C17orf67: variants seen among roughly 807,000 people sequenced by gnomAD.
C17orf67 encodes uncharacterized protein C17orf67.
C17orf67 carries 12 observed loss-of-function variants against 11.2 expected under a neutral mutation model. The observed-to-expected ratio is 1.07, with a 90% confidence interval of 0.68 to 1.73. C17orf67 has a LOEUF of 1.73. Ranked by LOEUF, C17orf67 falls within the 40% of genes most tolerant of loss-of-function variation. C17orf67 has a pLI of 0.00. For synonymous variants in C17orf67, 59 were observed against 46.9 expected (o/e 1.26, Z -1.05); for missense variants, 115 against 113.5 (o/e 1.01, Z -0.06).
rs531026186 is a variant in C17orf67, at chr17:56,809,434, G to C, written c.156+5435C>G. Among the ~76,000 whole-genome samples, 3 of 151,968 alleles carry C rather than the reference G, an allele frequency of 2.0e-5. No homozygotes were observed. The South Asian group carries it at 6.2e-4, about 32-fold the overall frequency. On this transcript the variant is annotated intron_variant, in intron 6 of 7. Coordinates refer to ENST00000397861, the MANE Select transcript of C17orf67 (RefSeq NM_001085430.4). Reference sequence around the variant, plus strand: ...CAAGTCAAGGCGAAAGTAGAAGAGGGGGCTGGAACTCAGACCTTCTGAAAA... The same window carrying C: ...CAAGTCAAGGCGAAAGTAGAAGAGGCGGCTGGAACTCAGACCTTCTGAAAA...
At chr17:56,827,174 T>C (rs80006956) in intron 2 of C17orf67, among the ~76,000 whole-genome samples, 6,553 of 152,366 alleles carry the variant, frequency 0.043, 187 homozygotes, top group Non-Finnish European at 0.058. Context: ...TCTCACCAGA[T>C]GGTGAGAAAG....
chr17:56,830,793 C>G (rs1301307706), intron 2 of C17orf67, among the ~76,000 whole-genome samples: 1 of 152,202 alleles, frequency 6.6e-6, no homozygotes, highest in African/African-American at 2.4e-5. Flanking sequence ...GTCACTCACC[C>G]TAATAGTTAA....
In C17orf67 at chr17:56,814,959, C is replaced by A; in HGVS notation, c.66G>T (p.Pro22=). The change falls in exon 6 of 8, where the codon CCG becomes CCT. Residue 22 remains proline (P), a synonymous_variant. Transcript: ENST00000397861. ...GTTTGGCCTGCTTCTCTGTCAAAAT[C>A]GGGGAGGTCTCTGGAAAAGTCGGGA... ...TLLTVFSETS[P]ILTEKQAKQL... The A allele has an allele frequency of 6.2e-7, 1 of 1,614,030 alleles. No individual in the cohort carries two copies. Among genetic ancestry groups the A allele is most frequent in the South Asian group, 1.1e-5 (1 of 91,058 alleles).
intron 6 of C17orf67, among the ~76,000 whole-genome samples, chr17:56,812,590 G>A (rs79867539): frequency 2.1e-3 from 323 of 152,286 alleles, no homozygotes; most frequent in African/African-American, 7.3e-3. Flanking sequence ...GGGACATGGA[G>A]GATGGGATGG....
At chr17:56,799,924 T>C (rs1200061772) in intron 6 of C17orf67, among the ~76,000 whole-genome samples, 1 of 151,290 alleles carries the variant, frequency 6.6e-6, no homozygotes, top group Non-Finnish European at 1.5e-5. Context: ...AGAACAAAAA[T>C]AGCTTTACTG....
chr17:56,793,005 G>T (rs1905146094), intron 7 of C17orf67, among the ~76,000 whole-genome samples: 1 of 150,224 alleles, frequency 6.7e-6, no homozygotes, highest in Non-Finnish European at 1.5e-5. Context: ...GGTGGTGATT[G>T]TGATGATGAT....
intron 4 of C17orf67, among the ~76,000 whole-genome samples, chr17:56,820,767 C>CTTTTTT (rs746734939): frequency 1.6e-5 from 2 of 122,506 alleles, no homozygotes; most frequent in Non-Finnish European, 3.4e-5. Context: ...GTGAGTTTCC[C>CTTTTTT]TTTTTTTTTT....
intron 2 of C17orf67, among the ~76,000 whole-genome samples, chr17:56,827,187 C>A (rs1170457249): frequency 6.6e-6 from 1 of 152,350 alleles, no homozygotes; most frequent in East Asian, 1.9e-4. Context: ...TGAGAAAGTG[C>A]GGAGGCTGAA....
chr17:56,795,194 C>T lies in C17orf67; in HGVS notation c.157-14G>A. ...GTGCATGTATTCCTGTCAAAACAAA[C>T]CACACTGAAGAAGGCTTCACCCACA... On this transcript the variant is annotated splice_polypyrimidine_tract_variant and intron_variant, in intron 6 of 7. Coordinates refer to ENST00000397861, the MANE Select transcript of C17orf67 (RefSeq NM_001085430.4). 6.2e-7 allele frequency: 1 copy of T among 1,611,842 alleles called. No individual in the cohort carries two copies. The highest frequency in any genetic ancestry group is 8.5e-7 in the Non-Finnish European group (1 of 1,178,490).
chr17:56,799,374 A>T (rs919640492), intron 6 of C17orf67, among the ~76,000 whole-genome samples: 2 of 152,202 alleles, frequency 1.3e-5, no homozygotes, highest in African/African-American at 4.8e-5. Flanking sequence ...AGTAATATGC[A>T]TTTAAGTTTA....
rs1390075099 is a variant in C17orf67, at chr17:56,816,030, CT to C, written c.-200-21del. ...TTCATCCTGAGGAAGGAAATTGTTC[CT>C]CTGTAATATGACTTTCAGAGCTTGA... On this transcript the variant is annotated intron_variant, in intron 4 of 7. Transcript: ENST00000397861. 2.3e-6 allele frequency: 2 copies of C among 854,486 alleles called. No homozygotes were observed. The highest frequency in any genetic ancestry group is 3.4e-5 in the African/African-American group (2 of 59,278). The allele number at this position is 854,486 out of a possible 1,614,324, so 52.9% of individuals were successfully genotyped here.
intron 4 of C17orf67, among the ~76,000 whole-genome samples, chr17:56,824,009 CT>C (rs1353653090): frequency 6.6e-6 from 1 of 152,212 alleles, no homozygotes; most frequent in Non-Finnish European, 1.5e-5. Context: ...TGTACTTTAT[CT>C]TAATGACTGC....
intron 6 of C17orf67, among the ~76,000 whole-genome samples, chr17:56,812,716 A>C (rs908890015): frequency 1.2e-4 from 18 of 152,004 alleles, no homozygotes; most frequent in Admixed American, 7.2e-4. Context: ...AGCAAAACAA[A>C]CCAGAAAAAG....
In C17orf67 at chr17:56,792,513, ATAG is replaced by A. The variant is rs1390757313; in HGVS notation, c.*21-164_*21-162del. Among the ~76,000 whole-genome samples the A allele has an allele frequency of 6.5e-5, 8 of 122,924 alleles. No individual in the cohort carries two copies. The East Asian group carries it at 9.3e-4, about 14-fold the overall frequency. 80.6% of individuals were successfully genotyped at this position (122,924 alleles called of 152,430 possible). On this transcript the variant is annotated intron_variant, in intron 7 of 7. Transcript: ENST00000397861. ...GGTGGTGGTGGTGATGATAATGATG[ATAG>A]TGGTGGTGGTGGTGGTGGTGGTGGT...
Position 56,815,916 on chromosome 17 carries a change from C to T in C17orf67, c.-106G>A, listed in dbSNP as rs373629926. ...CTGCGCTTGTTTATGCTTTGACTAA[C>T]GGGACTTACGGTATGATGCTGAATG... On this transcript the variant is annotated 5_prime_UTR_variant, in exon 5 of 8. Transcript: ENST00000397861. 7.6e-6 allele frequency: 12 copies of T among 1,580,942 alleles called. No homozygotes were observed. Among genetic ancestry groups the T allele is most frequent in the Middle Eastern group, 1.7e-4 (1 of 5,932 alleles).
intron 6 of C17orf67, among the ~76,000 whole-genome samples, chr17:56,804,747 A>G (rs1247585213): frequency 6.6e-6 from 1 of 152,206 alleles, no homozygotes; most frequent in Admixed American, 6.5e-5. Flanking sequence ...TATAATCACA[A>G]AAGAAATAAT....
rs1906282798 is a variant in C17orf67 at position 56,833,141 on chromosome 17, A to T, written c.-800T>A. 6.6e-6 allele frequency: 1 copy of T among 152,294 alleles called. No homozygotes were observed. Among genetic ancestry groups the T allele is most frequent in the Admixed American group, 6.5e-5 (1 of 15,284 alleles). 9.4% of individuals were successfully genotyped at this position (152,294 alleles called of 1,614,324 possible). A position where few individuals can be genotyped will look rare whatever the true frequency, so the allele number is the denominator to read the frequency against. On this transcript the variant is annotated 5_prime_UTR_variant, in exon 2 of 8. Transcript: ENST00000397861. Reference sequence around the variant, plus strand: ...GTATGTAGTAGGAAGGAAGCCGCTGAGTGCAGCTGTGCGCGCCGGGGCGGT... The same window carrying T: ...GTATGTAGTAGGAAGGAAGCCGCTGTGTGCAGCTGTGCGCGCCGGGGCGGT...
At chr17:56,801,317 T>C (rs933905405) in intron 6 of C17orf67, among the ~76,000 whole-genome samples, 1 of 152,184 alleles carries the variant, frequency 6.6e-6, no homozygotes, top group Non-Finnish European at 1.5e-5. Flanking sequence ...TTGGCATGTA[T>C]CAATATCATA....
intron 6 of C17orf67, among the ~76,000 whole-genome samples, chr17:56,810,882 A>T (rs1905606240): frequency 6.6e-6 from 1 of 152,262 alleles, no homozygotes; most frequent in Admixed American, 6.5e-5. Context: ...CTCTTTTTAC[A>T]TGCCACTGAC....
Sources: allele counts gnomAD v4.1 joint callset (sites outside exome capture counted in the v4.1 genomes callset), GRCh38; gene constraint gnomAD v4.1.1; transcripts MANE v1.5; gene names NCBI Gene and HGNC (gene_info 2026-07-23, HGNC 2026-07-21).